RIPK3: variants seen among roughly 807,000 people sequenced by gnomAD.
The protein encoded by RIPK3 is receptor-interacting serine/threonine-protein kinase 3.
RIPK3 carries 51 observed loss-of-function variants against 51.6 expected under a neutral mutation model. That is an observed-to-expected ratio of 0.99 (90% confidence interval 0.79 to 1.25). RIPK3 has a LOEUF of 1.25. Ranked by LOEUF, RIPK3 falls within the 50% of genes most tolerant of loss-of-function variation. The pLI, the probability that RIPK3 is intolerant of heterozygous loss-of-function variation, is 0.00. For missense variants in RIPK3, 654 were observed against 650.4 expected, an observed-to-expected ratio of 1.01 and a Z score of -0.06; for synonymous variants, 246 against 257.7, an observed-to-expected ratio of 0.95 and a Z score of 0.44.
Position 24,339,805 on chromosome 14 carries a change from A to G in RIPK3, c.20+2T>C. The stretch of plus-strand genomic sequence containing the variant: ...GCGATCGACATGCCACTCCCTACTC[A>G]CCATAACTTGACGCACGACATCAGG... On this transcript the variant is annotated splice_donor_variant, in intron 1 of 9. Transcript: ENST00000216274. LOFTEE classifies it high-confidence loss of function. The surrounding 1 kb of genome is among the most constrained non-coding windows in gnomAD (Gnocchi z 4.0). 6.3e-7 allele frequency: 1 copy of G among 1,577,284 alleles called. No individual in the cohort carries two copies. Among genetic ancestry groups the G allele is most frequent in the Admixed American group, 1.9e-5 (1 of 53,108 alleles).
Position 24,339,498 on chromosome 14 carries a change from A to C in RIPK3, c.120T>G (p.His40Gln), listed in dbSNP as rs757073868. ...GGFGTVFRAQ[H>Q]RKWGYDVAVK... ...CCGCCACATCGTAGCCCCACTTCCT[A>C]TGTTGCGCCCGGAACACTGTGCCGA... Residue 40 changes from histidine to glutamine, a missense_variant, in exon 2 of 10, where the codon CAT becomes CAG. His to Gln is a conservative substitution (Grantham distance 24). Transcript: ENST00000216274. The surrounding 1 kb of genome is among the most constrained non-coding windows in gnomAD (Gnocchi z 4.0). 4 of 1,613,980 alleles carry C rather than the reference A, an allele frequency of 2.5e-6. No homozygotes were observed. The East Asian group carries it at 6.7e-5, about 27-fold the overall frequency.
intron 5 of RIPK3, 85 bp downstream of exon 5, chr14:24,338,163 GT>G: frequency 6.4e-7 from 1 of 1,557,388 alleles, no homozygotes; most frequent in East Asian, 2.2e-5. Context: ...GGCAGTCTAA[GT>G]AGGTGAGCGG....
In RIPK3 at chr14:24,337,100, G is replaced by T. The variant is rs368772928; in HGVS notation, c.1261C>A (p.Pro421Thr). The T allele has an allele frequency of 4.3e-6, 7 of 1,611,408 alleles. No homozygotes were observed. In the African/African-American group the frequency reaches 8.0e-5, roughly 18 times the overall value. Residue 421 changes from proline (P) to threonine (T), a missense_variant, in exon 8 of 10, where the codon CCC becomes ACC. Transcript: ENST00000216274. ...PTSTGTPSPG[P>T]RGNQGAERQG... ...CAATGTCTCACCTGATTCCCTCGGG[G>T]TCCAGGACTTGGTGTTCCAGTTGAG...
rs79855438 is a variant in RIPK3, at chr14:24,338,459, C to T, written c.580G>A (p.Val194Ile). 55 of 1,613,626 alleles carry T rather than the reference C, an allele frequency of 3.4e-5. No homozygotes were observed. In the East Asian group the frequency reaches 8.7e-4, roughly 25 times the overall value. Residue 194 changes from valine (V) to isoleucine (I), a missense_variant, in exon 4 of 10, where the codon GTA (valine) becomes ATA (isoleucine). By Grantham distance (29) the Val-to-Ile change is conservative. Coordinates refer to ENST00000216274, the MANE Select transcript of RIPK3 (RefSeq NM_006871.4). Reference protein sequence around the residue: ...GYLAPELFVNVNRKASTASDV... With the variant: ...GYLAPELFVNINRKASTASDV... Reference sequence around the variant, plus strand: ...CTGGCTGTGGAGGCCTTCCGGTTTACGTTAACAAACAGTTCTGGGGCCAAG... The same window carrying T: ...CTGGCTGTGGAGGCCTTCCGGTTTATGTTAACAAACAGTTCTGGGGCCAAG...
In RIPK3 at chr14:24,339,671, C is replaced by A; in HGVS notation, c.21-74G>T. ...TGCTCCCCGCGCCCCTGTGACTCGG[C>A]GTTCTCACTGCAATCCCCAGCCTCC... is the stretch of plus-strand genomic sequence containing the variant. On this transcript the variant is annotated intron_variant, in intron 1 of 9. Transcript: ENST00000216274. This position sits in a 1 kb window ranked among gnomAD's most constrained non-coding sequence, Gnocchi z 4.0. 1 of 1,602,392 alleles carries A rather than the reference C, an allele frequency of 6.2e-7. No homozygotes were observed. Among genetic ancestry groups the A allele is most frequent in the South Asian group, 1.1e-5 (1 of 90,154 alleles).
At chr14:24,338,663 T>C (rs1279755104) in intron 3 of RIPK3, 96 bp from the exon 4 acceptor site, 1 of 1,491,682 alleles carries the variant, frequency 6.7e-7, no homozygotes, top group Non-Finnish European at 9.0e-7. Context: ...GGTTCAGCTT[T>C]GTAAAGGGAG....
In RIPK3 at chr14:24,337,225, A is replaced by T. The variant is rs45453899; in HGVS notation, c.1136T>A (p.Val379Asp). 71 of 1,613,778 alleles carry T rather than the reference A, an allele frequency of 4.4e-5. No individual in the cohort carries two copies. The African/African-American group carries it at 8.7e-4, about 20-fold the overall frequency. ...TGTGCCTGCTGTCCAGGCTTGTGGA[A>T]CCTGCTCCTCTTGTGCCCTGCTCCT... ...TKRSRAQEEQ[V>D]PQAWTAGTSS... The change falls in exon 8 of 10, where the codon GTT becomes GAT. Residue 379 changes from valine (V) to aspartate (D), a missense_variant. Val to Asp is a radical substitution (Grantham distance 152). Coordinates refer to ENST00000216274, the MANE Select transcript of RIPK3 (RefSeq NM_006871.4).
chr14:24,339,936 G>T lies in RIPK3; in HGVS notation c.-110C>A. On this transcript the variant is annotated 5_prime_UTR_variant, in exon 1 of 10. Coordinates refer to ENST00000216274, the MANE Select transcript of RIPK3 (RefSeq NM_006871.4). This position sits in a 1 kb window ranked among gnomAD's most constrained non-coding sequence, Gnocchi z 4.0. ...AGGGGAAGGGGTCTGTCTGTGCAGG[G>T]GTCAGTCTCTAGACCAAGACGGTGA... 2 of 1,218,000 alleles carry T rather than the reference G, an allele frequency of 1.6e-6. No individual in the cohort carries two copies. Among genetic ancestry groups the T allele is most frequent in the South Asian group, 1.5e-5 (1 of 66,350 alleles). 75.4% of individuals were successfully genotyped at this position (1,218,000 alleles called of 1,614,324 possible).
At position 24,336,155 on chromosome 14, in the gene RIPK3, A is replaced by C. The variant is rs1364928046; in HGVS notation, c.*20T>G. On this transcript the variant is annotated 3_prime_UTR_variant, in exon 10 of 10. Coordinates refer to ENST00000216274, the MANE Select transcript of RIPK3 (RefSeq NM_006871.4). Reference sequence around the variant, plus strand: ...CTCTTCCTTAACTCGTAACTCTTGGAGGCAAGCTTGGAAGGTGCTTTATTT... The same window carrying C: ...CTCTTCCTTAACTCGTAACTCTTGGCGGCAAGCTTGGAAGGTGCTTTATTT... 2 of 1,604,986 alleles carry C rather than the reference A, an allele frequency of 1.2e-6. No homozygotes were observed. Among genetic ancestry groups the C allele is most frequent in the Non-Finnish European group, 1.7e-6 (2 of 1,174,636 alleles).
Position 24,336,343 on chromosome 14 carries a change from G to T in RIPK3, c.1389C>A (p.Asn463Lys), listed in dbSNP as rs1322490338. The T allele has an allele frequency of 1.2e-6, 2 of 1,613,790 alleles. No homozygotes were observed. Among genetic ancestry groups the T allele is most frequent in the Non-Finnish European group, 1.7e-6 (2 of 1,180,052 alleles). Residue 463 changes from asparagine (N) to lysine (K), a missense_variant, in exon 10 of 10, where the codon AAC (asparagine) becomes AAA (lysine). Physicochemically the swap from Asn to Lys is moderately conservative, Grantham distance 94. Coordinates refer to ENST00000216274, the MANE Select transcript of RIPK3 (RefSeq NM_006871.4). ...TTGTCTGTTGCATAGTCAAGTAGTT[G>T]TTGTCTCCAACTTGCACCCCAGAGC... ...YNCSGVQVGDNNYLTMQQTTA... is the reference protein window; with the variant it reads ...YNCSGVQVGDKNYLTMQQTTA...
rs1490648127 is a variant in RIPK3, at chr14:24,336,295, C to T, written c.1437G>A (p.Leu479=). Residue 479 remains leucine (L), a synonymous_variant, in exon 10 of 10, where the codon TTG becomes TTA. Transcript: ENST00000216274. ...QQTTALPTWG[L]APSGKGRGLQ... The stretch of plus-strand genomic sequence containing the variant: ...AGCCCCTCCCCTTGCCCGAAGGTGC[C>T]AAGCCCCATGTGGGCAAGGCAGTTG... The T allele has an allele frequency of 6.2e-7, 1 of 1,614,030 alleles. No homozygotes were observed. Among genetic ancestry groups the T allele is most frequent in the Non-Finnish European group, 8.5e-7 (1 of 1,180,032 alleles).
At position 24,337,662 on chromosome 14, in the gene RIPK3, C is replaced by A. The variant is rs780322549; in HGVS notation, c.900+33G>T. ...GTAGCCACGCTGTGCCATCCCTGACCAGCTCCTGGGGAGGGGTGATGTTGG... is the reference window on the plus strand; with the variant it reads ...GTAGCCACGCTGTGCCATCCCTGACAAGCTCCTGGGGAGGGGTGATGTTGG... On this transcript the variant is annotated intron_variant, in intron 7 of 9. Coordinates refer to ENST00000216274, the MANE Select transcript of RIPK3 (RefSeq NM_006871.4). 1.6e-5 allele frequency: 25 copies of A among 1,578,744 alleles called. No homozygotes were observed. In the East Asian group the frequency reaches 5.6e-4, roughly 35 times the overall value.
chr14:24,338,602 G>C (rs2042159086), intron 3 of RIPK3, 35 bp from the exon 4 acceptor site: 2 of 1,576,888 alleles, frequency 1.3e-6, no homozygotes, highest in South Asian at 1.1e-5. Flanking sequence ...AGGTAGGGAA[G>C]ACAAGGGGGC....
intron 8 of RIPK3, 65 bp from the exon 9 acceptor site, chr14:24,337,010 GC>G: frequency 6.2e-7 from 1 of 1,606,010 alleles, no homozygotes; most frequent in East Asian, 2.2e-5. Context: ...ACTCCTCTCA[GC>G]CCCAAGTTTT....
chr14:24,336,088 C>T lies in RIPK3; in HGVS notation c.*87G>A. ...TCACAAAGTCAGTTTGTGGGCAGGC[C>T]AGACTGCCCTAGAAGGAAGTCAGGG... is the stretch of plus-strand genomic sequence containing the variant. On this transcript the variant is annotated 3_prime_UTR_variant, in exon 10 of 10. Transcript: ENST00000216274. 1 of 1,401,512 alleles carries T rather than the reference C, an allele frequency of 7.1e-7. No homozygotes were observed. 86.8% of individuals were successfully genotyped at this position (1,401,512 alleles called of 1,614,324 possible). A position where few individuals can be genotyped will look rare whatever the true frequency, so the allele number is the denominator to read the frequency against.
chr14:24,338,446 G>T lies in RIPK3; in HGVS notation c.593C>A (p.Ala198Asp), dbSNP rs780677054. Residue 198 changes from alanine to aspartate, a missense_variant, in exon 4 of 10, where the codon GCC (alanine) becomes GAC (aspartate). By Grantham distance (126) the Ala-to-Asp change is moderately radical (BLOSUM62 -2). Coordinates refer to ENST00000216274, the MANE Select transcript of RIPK3 (RefSeq NM_006871.4). ...PELFVNVNRK[A>D]STASDVYSFG... ...CCTGTAGACGTCACTGGCTGTGGAG[G>T]CCTTCCGGTTTACGTTAACAAACAG... 6.8e-6 allele frequency: 11 copies of T among 1,613,464 alleles called. No individual in the cohort carries two copies. The highest frequency in any genetic ancestry group is 9.3e-6 in the Non-Finnish European group (11 of 1,179,478).
intron 3 of RIPK3, 164 bp from the exon 4 acceptor site, chr14:24,338,731 G>A: frequency 9.8e-7 from 1 of 1,015,396 alleles, no homozygotes; most frequent in South Asian, 1.7e-5. Context: ...CTTGTGGTAG[G>A]GCTAGGTCAA....
rs768271350 is a variant in RIPK3, at chr14:24,339,090, G to A, written c.396C>T (p.His132=). 14 of 1,614,184 alleles carry A rather than the reference G, an allele frequency of 8.7e-6. 1 individual carries two copies. The South Asian group carries it at 1.3e-4, about 15-fold the overall frequency. ...GGTGCAGGAGCACCGGGTTCTGGTC[G>A]TGCAGGTAAAACATCCCAAGCACCA... ...KEVVLGMFYL[H]DQNPVLLHRD... Residue 132 remains histidine, a synonymous_variant, in exon 3 of 10, where the codon CAC becomes CAT. Coordinates refer to ENST00000216274, the MANE Select transcript of RIPK3 (RefSeq NM_006871.4). The surrounding 1 kb of genome is among the most constrained non-coding windows in gnomAD (Gnocchi z 4.0).
In RIPK3 at chr14:24,337,227, C is replaced by T; in HGVS notation, c.1134G>A (p.Gln378=). The T allele has an allele frequency of 1.9e-6, 3 of 1,614,040 alleles. No individual in the cohort carries two copies. The highest frequency in any genetic ancestry group is 2.5e-6 in the Non-Finnish European group (3 of 1,180,032). ...TGCCTGCTGTCCAGGCTTGTGGAAC[C>T]TGCTCCTCTTGTGCCCTGCTCCTCT... The part of the protein sequence containing the change: ...LTKRSRAQEE[Q]VPQAWTAGTS... The change falls in exon 8 of 10, where the codon CAG becomes CAA. Residue 378 remains glutamine, a synonymous_variant. Coordinates refer to ENST00000216274, the MANE Select transcript of RIPK3 (RefSeq NM_006871.4).
Sources: gnomAD v4.1 joint callset for allele counts on GRCh38, gnomAD v4.1.1 for gene constraint, Gnocchi (gnomAD v3.1) non-coding constraint, MANE v1.5 for transcripts, NCBI Gene and HGNC (gene_info 2026-07-23, HGNC 2026-07-21) for gene names.